Variants in MMP13 observed in about 807,000 individuals in gnomAD.
The protein encoded by MMP13 is matrix metallopeptidase 13.
A neutral mutation model predicts 52.1 loss-of-function variants in MMP13; 45 were observed. The ratio of observed to expected loss-of-function variants is 0.86; its 90% CI spans 0.68 to 1.11. The LOEUF (loss-of-function observed/expected upper bound fraction) is 1.11. MMP13 is among the 50% of genes least tolerant of loss of function. The pLI is 0.00. For synonymous variants in MMP13, 200 were observed against 204.4 expected, an observed-to-expected ratio of 0.98 and a Z score of 0.18; for missense variants, 576 against 583.8, an observed-to-expected ratio of 0.99 and a Z score of 0.14.
At position 102,952,283 on chromosome 11, in the gene MMP13, C is replaced by T; in HGVS notation, c.638-110G>A. The T allele has an allele frequency of 1.6e-6, 2 of 1,238,820 alleles. No individual in the cohort carries two copies. Among genetic ancestry groups the T allele is most frequent in the Non-Finnish European group, 2.3e-6 (2 of 864,804 alleles). 76.7% of individuals were successfully genotyped at this position (1,238,820 alleles called of 1,614,324 possible). A position where few individuals can be genotyped will look rare whatever the true frequency, so the allele number is the denominator to read the frequency against. ...TGTTTCTTTCTTGGCTATATACTTT[C>T]TTTTCTCTTTCTTCAGTCTCCTACT... On this transcript the variant is annotated intron_variant, in intron 4 of 9. Transcript: ENST00000260302. The surrounding 1 kb of genome is among the most constrained non-coding windows in gnomAD (Gnocchi z 4.3).
intron 6 of MMP13, 71 bp downstream of exon 6, chr11:102,950,039 T>C (rs1246584165): frequency 3.1e-6 from 4 of 1,298,464 alleles, no homozygotes; most frequent in Non-Finnish European, 4.5e-6. Context: ...ACAGGATGTT[T>C]TGGCAATATG....
chr11:102,955,618 C>T lies in MMP13; in HGVS notation c.88G>A (p.Asp30Asn), dbSNP rs774134193. ...AACTGGAGGTCTTCCTCAGACAAAT[C>T]ATCTTCATCACCACCACTGGGAAGG... is the stretch of plus-strand genomic sequence containing the variant. ...LPLPSGGDED[D>N]LSEEDLQFAE... The change falls in exon 1 of 10, where the codon GAT becomes AAT. Residue 30 changes from aspartate (D) to asparagine (N), a missense_variant. By Grantham distance (23) the Asp-to-Asn change is conservative. Transcript: ENST00000260302. The surrounding 1 kb of genome is among the most constrained non-coding windows in gnomAD (Gnocchi z 4.9). 5.0e-5 allele frequency: 80 copies of T among 1,613,886 alleles called. No homozygotes were observed. In the Middle Eastern group the frequency reaches 9.9e-4, roughly 20 times the overall value.
chr11:102,951,059 T>C (rs1860603617), intron 5 of MMP13, among the ~76,000 whole-genome samples: 1 of 152,204 alleles, frequency 6.6e-6, no homozygotes, highest in South Asian at 2.1e-4. Context: ...GATGACTGTG[T>C]ACTGTGGCTT....
rs1555016383 is a variant in MMP13 at position 102,944,244 on chromosome 11, A to G, written c.*22T>C. ...ACCCCAAATGCTCTTCAGGATTTAAATAACAATTTTTAAAAAGACACTTAA... is the reference window on the plus strand; with the variant it reads ...ACCCCAAATGCTCTTCAGGATTTAAGTAACAATTTTTAAAAAGACACTTAA... On this transcript the variant is annotated 3_prime_UTR_variant, in exon 10 of 10. Transcript: ENST00000260302. 3 of 1,580,598 alleles carry G rather than the reference A, an allele frequency of 1.9e-6. No individual in the cohort carries two copies.
In MMP13 at chr11:102,952,888, A is replaced by T. The variant is rs17860538; in HGVS notation, c.638-715T>A. Among the ~76,000 whole-genome samples the T allele has an allele frequency of 6.6e-6, 1 of 152,166 alleles. No homozygotes were observed. Among genetic ancestry groups the T allele is most frequent in the East Asian group, 1.9e-4 (1 of 5,198 alleles). ...ACTGGAAAAAAGAAAATAAAAAACT[A>T]AAAGAAAAATAAGAAGTGCAAGGCA... On this transcript the variant is annotated intron_variant, in intron 4 of 9. Transcript: ENST00000260302. This position sits in a 1 kb window ranked among gnomAD's most constrained non-coding sequence, Gnocchi z 4.3.
intron 2 of MMP13, 69 bp from the exon 3 acceptor site, chr11:102,954,675 G>A (rs927654576): frequency 6.4e-6 from 9 of 1,416,968 alleles, no homozygotes; most frequent in Admixed American, 3.4e-5. Context: ...CATTTTCTTG[G>A]TATATTGCTT....
chr11:102,947,706 T>TGTGTGTGTGTGTG (rs1860535538), intron 8 of MMP13, among the ~76,000 whole-genome samples, 185 bp downstream of exon 8: 1 of 149,506 alleles, frequency 6.7e-6, no homozygotes, highest in African/African-American at 2.5e-5. Flanking sequence ...TGTGTGTGTG[T>TGTGTGTGTGTGTG]TCAAGAGAGC....
At chr11:102,947,777 G>T in intron 8 of MMP13, 114 bp downstream of exon 8, 1 of 1,205,840 alleles carries the variant, frequency 8.3e-7, no homozygotes, top group East Asian at 2.5e-5. Flanking sequence ...GAATGAAAAT[G>T]AATGACTAGT....
rs912557635 is a variant in MMP13 at position 102,944,143 on chromosome 11, T to G, written c.*123A>C. The stretch of plus-strand genomic sequence containing the variant: ...TAGATACTACATATTCAAAGATAAC[T>G]TACTGAAGCTTGTTCACAGAACCAA... On this transcript the variant is annotated 3_prime_UTR_variant, in exon 10 of 10. Transcript: ENST00000260302. 4 of 750,168 alleles carry G rather than the reference T, an allele frequency of 5.3e-6. No individual in the cohort carries two copies. Among genetic ancestry groups the G allele is most frequent in the Non-Finnish European group, 9.7e-6 (4 of 412,276 alleles). 46.5% of individuals were successfully genotyped at this position (750,168 alleles called of 1,614,324 possible).
chr11:102,953,499 C>T (rs1860645806), intron 4 of MMP13, among the ~76,000 whole-genome samples: 1 of 152,132 alleles, frequency 6.6e-6, no homozygotes, highest in Admixed American at 6.5e-5. Flanking sequence ...CAATCTATGG[C>T]TTTTCTTCCT....
At chr11:102,945,577 T>A in intron 9 of MMP13, 69 bp downstream of exon 9, 2 of 970,692 alleles carry the variant, frequency 2.1e-6, no homozygotes, top group Non-Finnish European at 3.3e-6. Context: ...TAAAAATGCT[T>A]TGTACAGAAA....
In MMP13 at chr11:102,949,452, T is replaced by C. The variant is rs535288681; in HGVS notation, c.918-294A>G. On this transcript the variant is annotated intron_variant, in intron 6 of 9. Coordinates refer to ENST00000260302, the MANE Select transcript of MMP13 (RefSeq NM_002427.4). This position sits in a 1 kb window ranked among gnomAD's most constrained non-coding sequence, Gnocchi z 4.2. ...GGGTATCTTGCCAGGGGCAAGCAAA[T>C]GTGCCAGGCATTGTGTTGGCCTCCA... Among the ~76,000 whole-genome samples, 1 of 152,234 alleles carries C rather than the reference T, an allele frequency of 6.6e-6. No individual in the cohort carries two copies. Among genetic ancestry groups the C allele is most frequent in the Non-Finnish European group, 1.5e-5 (1 of 68,018 alleles).
Position 102,954,524 on chromosome 11 carries a change from T to A in MMP13, c.445A>T (p.Thr149Ser), listed in dbSNP as rs868821032. 18 of 1,613,538 alleles carry A rather than the reference T, an allele frequency of 1.1e-5. No individual in the cohort carries two copies. The Middle Eastern group carries it at 3.0e-3, about 266-fold the overall frequency. Residue 149 changes from threonine to serine, a missense_variant, in exon 3 of 10, where the codon ACT becomes TCT. Transcript: ENST00000260302. ...KKAFKVWSDV[T>S]PLNFTRLHDG... is the part of the protein sequence containing the mutation. ...TGAAGTCTGGTAAAATTCAGAGGAGTTACATCGGACCAAACTTTGAAGGCT... is the reference window on the plus strand; with the variant it reads ...TGAAGTCTGGTAAAATTCAGAGGAGATACATCGGACCAAACTTTGAAGGCT...
In MMP13 at chr11:102,949,168, A is replaced by AAGTAAAATGG; in HGVS notation, c.918-20_918-11dup. 6.2e-7 allele frequency: 1 copy of AAGTAAAATGG among 1,613,180 alleles called. No individual in the cohort carries two copies. Among genetic ancestry groups the AAGTAAAATGG allele is most frequent in the Non-Finnish European group, 8.5e-7 (1 of 1,179,664 alleles). On this transcript the variant is annotated splice_polypyrimidine_tract_variant and intron_variant, in intron 6 of 9. Coordinates refer to ENST00000260302, the MANE Select transcript of MMP13 (RefSeq NM_002427.4). The surrounding 1 kb of genome is among the most constrained non-coding windows in gnomAD (Gnocchi z 4.2). Reference sequence around the variant, plus strand: ...CAGGCGCCAGAAGAATCTAACACAAAAGTAAAATGGAGTTTTCTGTCACAT... The same window carrying AAGTAAAATGG: ...CAGGCGCCAGAAGAATCTAACACAAAAGTAAAATGGAGTAAAATGGAGTTTTCTGTCACAT...
Position 102,952,996 on chromosome 11 carries a change from T to A in MMP13, c.638-823A>T, listed in dbSNP as rs1449718166. On this transcript the variant is annotated intron_variant, in intron 4 of 9. Transcript: ENST00000260302. This position sits in a 1 kb window ranked among gnomAD's most constrained non-coding sequence, Gnocchi z 4.3. ...TTTGACCTTAAATACCCTCTGCTAT[T>A]GTAGCCTGTGCATGAAGAAAATGAA... 6.6e-6 allele frequency among the ~76,000 whole-genome samples: 1 copy of A among 152,188 alleles called. No homozygotes were observed. The highest frequency in any genetic ancestry group is 1.5e-5 in the Non-Finnish European group (1 of 68,026).
chr11:102,952,101 C>G lies in MMP13; in HGVS notation c.710G>C (p.Gly237Ala). Residue 237 changes from glycine to alanine, a missense_variant, in exon 5 of 10, where the codon GGA becomes GCA. Coordinates refer to ENST00000260302, the MANE Select transcript of MMP13 (RefSeq NM_002427.4). This position sits in a 1 kb window ranked among gnomAD's most constrained non-coding sequence, Gnocchi z 4.3. The stretch of plus-strand genomic sequence containing the variant: ...GGTGTAGATAGGAAACATGAGTGCT[C>G]CAGGGTCCTTGGAGTGGTCAAGACC... ...SLGLDHSKDP[G>A]ALMFPIYTYT... The G allele has an allele frequency of 6.2e-7, 1 of 1,613,188 alleles. No homozygotes were observed. Among genetic ancestry groups the G allele is most frequent in the South Asian group, 1.1e-5 (1 of 91,040 alleles).
intron 5 of MMP13, 96 bp from the exon 6 acceptor site, chr11:102,950,323 A>G: frequency 1.0e-6 from 1 of 993,610 alleles, no homozygotes; most frequent in Non-Finnish European, 1.6e-6. Flanking sequence ...GGACAGTGGG[A>G]GAGGGTTTCT....
intron 4 of MMP13, among the ~76,000 whole-genome samples, chr11:102,953,909 T>C (rs545145560): frequency 6.6e-6 from 1 of 152,336 alleles, no homozygotes; most frequent in Non-Finnish European, 1.5e-5. Context: ...TTGGTCCTAC[T>C]TCAAAGTTCA....
Position 102,943,663 on chromosome 11 carries a change from A to C in MMP13, c.*603T>G, listed in dbSNP as rs770044566. On this transcript the variant is annotated 3_prime_UTR_variant, in exon 10 of 10. Transcript: ENST00000260302. ...TAAACAGAATTCAAAGGCCACATCT[A>C]CTATTCTTACCACTGCTCTTTTGTC... 1 of 153,158 alleles carries C rather than the reference A, an allele frequency of 6.5e-6. No homozygotes were observed. The highest frequency in any genetic ancestry group is 2.4e-5 in the African/African-American group (1 of 41,466). 9.5% of individuals were successfully genotyped at this position (153,158 alleles called of 1,614,324 possible).
Sources: gnomAD v4.1 joint callset for allele counts (sites outside exome capture counted in the v4.1 genomes callset) on GRCh38, gnomAD v4.1.1 for gene constraint, Gnocchi (gnomAD v3.1) non-coding constraint, MANE v1.5 for transcripts, NCBI Gene and HGNC (gene_info 2026-07-23, HGNC 2026-07-21) for gene names.